Variants in CACNA1C observed in about 807,000 individuals in gnomAD.
CACNA1C encodes calcium voltage-gated channel subunit alpha1 C.
In CACNA1C, 30 loss-of-function variants were observed where a neutral mutation model predicts 229.0. The ratio of observed to expected loss-of-function variants is 0.13; its 90% CI spans 0.10 to 0.18. The LOEUF (loss-of-function observed/expected upper bound fraction) is 0.18, where lower values mean the gene tolerates loss of function less well. CACNA1C is among the 10% of genes least tolerant of loss of function. CACNA1C has a pLI of 1.00. For missense variants in CACNA1C, 1,658 were observed against 2,845.0 expected, an observed-to-expected ratio of 0.58 and a Z score of 9.49; for synonymous variants, 1,114 against 1,132.5, an observed-to-expected ratio of 0.98 and a Z score of 0.33.
At chr12:2,031,588 C>T (rs1664733318) in intron 1 of CACNA1C, among the ~76,000 whole-genome samples, 1 of 152,170 alleles carries the variant, frequency 6.6e-6, no homozygotes, top group African/African-American at 2.4e-5. Context: ...AAGCCAGTCT[C>T]CTTGGGTCTC....
rs146050639 is a variant in CACNA1C, at chr12:2,549,708, A to G, written c.1391-235A>G. On this transcript the variant is annotated intron_variant, in intron 9 of 46. Coordinates refer to ENST00000399655, the MANE Select transcript of CACNA1C (RefSeq NM_000719.7). ...TGAGGTAAAATGCTCTTATTACCAG[A>G]TGTCCTCCCATACTTCCATTAGTTT... 5.9e-5 allele frequency among the ~76,000 whole-genome samples: 9 copies of G among 152,274 alleles called. No homozygotes were observed. In the East Asian group the frequency reaches 1.5e-3, roughly 26 times the overall value.
intron 3 of CACNA1C, among the ~76,000 whole-genome samples, chr12:2,353,792 G>C (rs1445475130): frequency 2.0e-5 from 3 of 152,188 alleles, no homozygotes; most frequent in Admixed American, 6.5e-5. Context: ...GAGCCTGTTT[G>C]TGGGATTCTG....
rs2154567287 is a variant in CACNA1C at position 2,468,787 on chromosome 12, G to A, written c.757+11081G>A. Among the ~76,000 whole-genome samples the A allele has an allele frequency of 1.3e-5, 2 of 152,330 alleles. 1 individual carries two copies. Among genetic ancestry groups the A allele is most frequent in the East Asian group, 3.9e-4 (2 of 5,186 alleles). On this transcript the variant is annotated intron_variant, in intron 5 of 46. Coordinates refer to ENST00000399655, the MANE Select transcript of CACNA1C (RefSeq NM_000719.7). ...TCCGGCCTGCCGGTGAGGAGACCAG[G>A]GATCTAAGTCTGGCCAGCTGTGTGA...
At chr12:2,283,615 G>A (rs2091997796) in intron 3 of CACNA1C, among the ~76,000 whole-genome samples, 1 of 152,178 alleles carries the variant, frequency 6.6e-6, no homozygotes. Flanking sequence ...CCCAATACGT[G>A]TCTATTACAC....
At chr12:2,101,759 G>A (rs1258054364) in intron 1 of CACNA1C, among the ~76,000 whole-genome samples, 2 of 152,032 alleles carry the variant, frequency 1.3e-5, no homozygotes, top group Admixed American at 6.6e-5. Context: ...CCATTCTCTC[G>A]GATGGTGGCA....
chr12:2,682,517 T>G, intron 42 of CACNA1C, 33 bp from the exon 43 acceptor site: 1 of 1,605,266 alleles, frequency 6.2e-7, no homozygotes, highest in South Asian at 1.1e-5. Context: ...GGTTGGCAGT[T>G]TCTGATGTTT....
chr12:2,419,737 A>G (rs1006362231), intron 3 of CACNA1C, among the ~76,000 whole-genome samples: 3 of 152,124 alleles, frequency 2.0e-5, no homozygotes, highest in Non-Finnish European at 4.4e-5. Flanking sequence ...CCCTTGAGGA[A>G]TAGTGGTTGC....
intron 3 of CACNA1C, among the ~76,000 whole-genome samples, chr12:2,256,987 C>T (rs1344463125): frequency 1.3e-5 from 2 of 152,176 alleles, no homozygotes; most frequent in South Asian, 2.1e-4. Flanking sequence ...ACTCAAAAAT[C>T]GTGGTGACTC....
At chr12:2,446,678 T>C (rs2099291836) in intron 3 of CACNA1C, among the ~76,000 whole-genome samples, 1 of 147,618 alleles carries the variant, frequency 6.8e-6, no homozygotes, top group South Asian at 2.2e-4. Flanking sequence ...GATAGATGAA[T>C]GGATGGGTGA....
intron 5 of CACNA1C, among the ~76,000 whole-genome samples, chr12:2,471,117 C>G (rs901544622): frequency 6.6e-6 from 1 of 152,170 alleles, no homozygotes; most frequent in Non-Finnish European, 1.5e-5. Context: ...CAGTTGTGAG[C>G]CACTGTGCCT....
chr12:2,033,669 A>G (rs908306712), intron 1 of CACNA1C, among the ~76,000 whole-genome samples: 1 of 152,162 alleles, frequency 6.6e-6, no homozygotes, highest in Non-Finnish European at 1.5e-5. Context: ...AACAACAACA[A>G]CATCCCAGCT....
intron 21 of CACNA1C, among the ~76,000 whole-genome samples, chr12:2,598,565 G>C (rs1372920883): frequency 1.3e-5 from 2 of 152,144 alleles, no homozygotes; most frequent in Non-Finnish European, 2.9e-5. Context: ...CTTCCTGGGA[G>C]ACTAGCCTGG....
At chr12:2,272,468 C>G (rs1233134995) in intron 3 of CACNA1C, among the ~76,000 whole-genome samples, 2 of 152,326 alleles carry the variant, frequency 1.3e-5, no homozygotes, top group East Asian at 3.9e-4. Context: ...ATTGCTTTCT[C>G]TACTGATGCC....
rs145956208 is a variant in CACNA1C, at chr12:2,677,343, C to T, written c.4956+122C>T. 3,005 of 1,075,036 alleles carry T rather than the reference C, an allele frequency of 2.8e-3. 12 individuals are homozygous for T. Among genetic ancestry groups the T allele is most frequent in the Middle Eastern group, 0.011 (39 of 3,400 alleles). 66.6% of individuals were successfully genotyped at this position (1,075,036 alleles called of 1,614,324 possible). A position where few individuals can be genotyped will look rare whatever the true frequency, so the allele number is the denominator to read the frequency against. ...CCAGGTCCCTGCAGAGGGAACCTTT[C>T]AGAGAGCTCCAGACCTTTCCAAAGA... On this transcript the variant is annotated intron_variant, in intron 40 of 46. Coordinates refer to ENST00000399655, the MANE Select transcript of CACNA1C (RefSeq NM_000719.7). This position sits in a 1 kb window ranked among gnomAD's most constrained non-coding sequence, Gnocchi z 7.4.
At chr12:2,563,976 CTTG>C (rs1265237228) in intron 11 of CACNA1C, among the ~76,000 whole-genome samples, 2 of 152,220 alleles carry the variant, frequency 1.3e-5, no homozygotes, top group Non-Finnish European at 2.9e-5. Context: ...ACCAGCATAA[CTTG>C]ACCCAGGAGG....
intron 3 of CACNA1C, among the ~76,000 whole-genome samples, chr12:2,398,840 C>T (rs1275011796): frequency 6.6e-6 from 1 of 152,124 alleles, no homozygotes; most frequent in Admixed American, 6.5e-5. Flanking sequence ...ACCTGGGGAC[C>T]TCAGGACAGG....
Position 2,682,816 on chromosome 12 carries a change from C to G in CACNA1C, c.5573+138C>G, listed in dbSNP as rs1603457876. The G allele has an allele frequency of 9.0e-6, 5 of 553,664 alleles. No homozygotes were observed. In the South Asian group the frequency reaches 1.1e-4, roughly 12 times the overall value. The allele number at this position is 553,664 out of a possible 1,614,324, so 34.3% of individuals were successfully genotyped here. ...ATCACAGAGAAAACATCTGCACCGC[C>G]TCTTTCATCTCCTCAGTGAAATGGG... On this transcript the variant is annotated intron_variant, in intron 43 of 46. Coordinates refer to ENST00000399655, the MANE Select transcript of CACNA1C (RefSeq NM_000719.7).
intron 30 of CACNA1C, among the ~76,000 whole-genome samples, 195 bp from the exon 31 acceptor site, chr12:2,648,280 A>G (rs2094549094): frequency 2.6e-5 from 4 of 152,216 alleles, no homozygotes; most frequent in Admixed American, 2.6e-4. Flanking sequence ...GATTGACATG[A>G]GACCCAGCAA....
chr12:2,584,379 T>C (rs2153229174), intron 15 of CACNA1C, 124 bp from the exon 16 acceptor site: 11 of 659,176 alleles, frequency 1.7e-5, no homozygotes, highest in Non-Finnish European at 2.7e-5. Flanking sequence ...CTCCCTCAAA[T>C]TGCTTCCCCC....
Sources: allele counts gnomAD v4.1 joint callset (sites outside exome capture counted in the v4.1 genomes callset), GRCh38; gene constraint gnomAD v4.1.1; non-coding constraint Gnocchi (gnomAD v3.1); transcripts MANE v1.5; gene names NCBI Gene and HGNC (gene_info 2026-07-23, HGNC 2026-07-21).